The following SGCZ variants were observed in gnomAD, a reference collection of about 807,000 sequenced individuals.
The protein encoded by SGCZ is sarcoglycan zeta.
In SGCZ, 40 loss-of-function variants were observed where a neutral mutation model predicts 41.3. The observed-to-expected ratio is 0.97, with a 90% CI of 0.75 to 1.26. SGCZ has a LOEUF of 1.26. Ranked by LOEUF, SGCZ falls within the 50% of genes most tolerant of loss-of-function variation. The probability of loss-of-function intolerance (pLI) is 0.00; values close to 1 mark genes in which losing one functional copy is unlikely to be tolerated. For missense variants in SGCZ, 552 were observed against 369.8 expected (o/e 1.49, Z -4.04); for synonymous variants, 206 against 137.5 (o/e 1.50, Z -3.49).
intron 3 of SGCZ, among the ~76,000 whole-genome samples, chr8:14,242,007 G>C (rs919742209): frequency 8.5e-5 from 13 of 152,068 alleles, no homozygotes; most frequent in Non-Finnish European, 1.5e-4. Flanking sequence ...CTAACCACTG[G>C]ATACAAAAGA....
chr8:14,203,159 A>C (rs190502136), intron 4 of SGCZ, among the ~76,000 whole-genome samples: 157 of 152,348 alleles, frequency 1.0e-3, no homozygotes, highest in African/African-American at 3.6e-3. Flanking sequence ...TAAATTGCCC[A>C]GTCCCAGATA....
intron 1 of SGCZ, among the ~76,000 whole-genome samples, chr8:14,801,255 G>C (rs997189387): frequency 6.6e-6 from 1 of 152,098 alleles, no homozygotes; most frequent in East Asian, 1.9e-4. Context: ...ATATGGGTTG[G>C]TCATTACATC....
chr8:14,418,261 C>T (rs1585482726), intron 2 of SGCZ, among the ~76,000 whole-genome samples: 1 of 151,860 alleles, frequency 6.6e-6, no homozygotes, highest in Non-Finnish European at 1.5e-5. Context: ...GAAGTTCTTC[C>T]TGAGGGCTGG....
chr8:14,995,617 G>C (rs908535422), intron 1 of SGCZ, among the ~76,000 whole-genome samples: 10 of 152,154 alleles, frequency 6.6e-5, no homozygotes, highest in Admixed American at 4.6e-4. Flanking sequence ...GGAATGCAAT[G>C]ACCATTCACT....
At chr8:14,253,243 G>GGTGTGTGTGT (rs10681510) in intron 3 of SGCZ, among the ~76,000 whole-genome samples, 2,252 of 148,930 alleles carry the variant, frequency 0.015, 17 homozygotes, top group African/African-American at 0.026. Context: ...TTGTGTGTAG[G>GGTGTGTGTGT]GTGTGTGTGT....
At chr8:14,388,489 A>C (rs1804650602) in intron 2 of SGCZ, among the ~76,000 whole-genome samples, 2 of 152,152 alleles carry the variant, frequency 1.3e-5, no homozygotes, top group Non-Finnish European at 2.9e-5. Flanking sequence ...TGATGATTTT[A>C]ATTTTAAAAT....
intron 1 of SGCZ, among the ~76,000 whole-genome samples, chr8:14,890,354 C>T (rs575519345): frequency 3.9e-4 from 59 of 152,270 alleles, no homozygotes; most frequent in Non-Finnish European, 6.9e-4. Flanking sequence ...CTAGTGAAAA[C>T]ATAAATGGTA....
intron 1 of SGCZ, among the ~76,000 whole-genome samples, chr8:15,200,311 G>T (rs767829531): frequency 6.6e-6 from 1 of 152,210 alleles, no homozygotes; most frequent in African/African-American, 2.4e-5. Context: ...GAAGAATTCA[G>T]TAACAACCTC....
At chr8:14,493,435 C>A (rs575235700) in intron 2 of SGCZ, among the ~76,000 whole-genome samples, 1 of 127,416 alleles carries the variant, frequency 7.8e-6, no homozygotes, top group Non-Finnish European at 1.6e-5. Flanking sequence ...GGCATGATCT[C>A]GGCTCACAGC....
chr8:14,600,899 T>A (rs1355568556), intron 1 of SGCZ, among the ~76,000 whole-genome samples: 1 of 143,576 alleles, frequency 7.0e-6, no homozygotes, highest in Non-Finnish European at 1.5e-5. Flanking sequence ...CTTCTGATAT[T>A]TTTTTTTTTG....
chr8:14,127,541 C>T (rs899370130), intron 5 of SGCZ, among the ~76,000 whole-genome samples: 3 of 152,070 alleles, frequency 2.0e-5, no homozygotes, highest in East Asian at 1.9e-4. Context: ...CTGCATCCTC[C>T]GCCTCCCGGG....
At chr8:15,155,569 C>G (rs149943026) in intron 1 of SGCZ, among the ~76,000 whole-genome samples, 2 of 152,054 alleles carry the variant, frequency 1.3e-5, no homozygotes, top group African/African-American at 4.8e-5. Flanking sequence ...CAACTGGAAA[C>G]GTCATAACTG....
chr8:14,953,968 G>T (rs527497985), intron 1 of SGCZ, among the ~76,000 whole-genome samples: 1 of 152,080 alleles, frequency 6.6e-6, no homozygotes, highest in Non-Finnish European at 1.5e-5. Flanking sequence ...TTACTGATAA[G>T]TTTAGTTAAG....
chr8:14,749,692 C>T (rs1799442572), intron 1 of SGCZ, among the ~76,000 whole-genome samples: 1 of 151,986 alleles, frequency 6.6e-6, no homozygotes, highest in African/African-American at 2.4e-5. Flanking sequence ...AAGAAATATA[C>T]ACATACAAAA....
chr8:14,093,390 T>G (rs1377193473), intron 7 of SGCZ, among the ~76,000 whole-genome samples: 2 of 152,098 alleles, frequency 1.3e-5, no homozygotes, highest in East Asian at 3.9e-4. Flanking sequence ...ACACTTCAAT[T>G]GGATCCTGAT....
At chr8:14,403,439 C>G (rs898630923) in intron 2 of SGCZ, among the ~76,000 whole-genome samples, 2 of 151,600 alleles carry the variant, frequency 1.3e-5, no homozygotes, top group African/African-American at 4.9e-5. Flanking sequence ...TCATAGATAG[C>G]TCTTATTATT....
intron 1 of SGCZ, among the ~76,000 whole-genome samples, chr8:14,701,563 G>A (rs1386407287): frequency 2.6e-5 from 4 of 151,856 alleles, no homozygotes; most frequent in Non-Finnish European, 4.4e-5. Flanking sequence ...CAGGCCGTCC[G>A]TGCTGCCTGG....
Position 14,401,335 on chromosome 8 carries a change from G to A in SGCZ, c.235-77131C>T, listed in dbSNP as rs569433282. On this transcript the variant is annotated intron_variant, in intron 2 of 7. Transcript: ENST00000382080. ...AAGTTTTAGGGTACATGTGCACATT[G>A]TGCAGGTTAGTTACATATGTATACA... Among the ~76,000 whole-genome samples the A allele has an allele frequency of 4.7e-5, 7 of 149,840 alleles. No individual in the cohort carries two copies. The East Asian group carries it at 1.4e-3, about 30-fold the overall frequency.
intron 2 of SGCZ, among the ~76,000 whole-genome samples, chr8:14,455,484 ACACACACG>A (rs1800715582): frequency 6.6e-6 from 1 of 151,852 alleles, no homozygotes; most frequent in East Asian, 1.9e-4. Context: ...ACACACACAC[ACACACACG>A]CATATACACA....
Sources: allele counts gnomAD v4.1 joint callset (sites outside exome capture counted in the v4.1 genomes callset), GRCh38; gene constraint gnomAD v4.1.1; transcripts MANE v1.5; gene names NCBI Gene and HGNC (gene_info 2026-07-23, HGNC 2026-07-21).